RAB28: variants seen among roughly 807,000 people sequenced by gnomAD.
RAB28 encodes the protein RAB28, member RAS oncogene family, also known as ras-related protein Rab-28.
RAB28 carries 24 observed loss-of-function variants against 31.7 expected under a neutral mutation model. The ratio of observed to expected loss-of-function variants is 0.76; its 90% CI spans 0.55 to 1.06. The LOEUF (loss-of-function observed/expected upper bound fraction) is 1.06. Ranked by LOEUF, RAB28 falls within the 50% of genes least tolerant of loss-of-function variation. RAB28 has a pLI of 0.00. For missense variants in RAB28, 254 were observed against 258.5 expected, an observed-to-expected ratio of 0.98 and a Z score of 0.12; for synonymous variants, 100 against 90.4, an observed-to-expected ratio of 1.11 and a Z score of -0.60.
intron 4 of RAB28, among the ~76,000 whole-genome samples, chr4:13,396,614 G>A (rs192217256): frequency 2.0e-5 from 3 of 151,982 alleles, no homozygotes; most frequent in Non-Finnish European, 2.9e-5. Flanking sequence ...TCCACAAACA[G>A]ATGAAGAAAA....
chr4:13,434,865 A>T lies in RAB28; in HGVS notation c.391+25834T>A, dbSNP rs554659508. 2.6e-5 allele frequency among the ~76,000 whole-genome samples: 4 copies of T among 151,992 alleles called. No homozygotes were observed. In the South Asian group the frequency reaches 6.2e-4, roughly 24 times the overall value. ...GAAACCCTGTCTCTACTAAAAGTAC[A>T]AAAATTAGCCAGGCATGGTGGCAGG... On this transcript the variant is annotated intron_variant, in intron 4 of 6. Transcript: ENST00000330852.
rs374216152 is a variant in RAB28 at position 13,389,105 on chromosome 4, C to T, written c.392-7511G>A. On this transcript the variant is annotated intron_variant, in intron 4 of 6. Transcript: ENST00000330852. ...ATAAACAAAATGCAGTGTATATATA[C>T]AATGGAATATTATTCAGCCTTAAAA... Among the ~76,000 whole-genome samples, 7 of 152,192 alleles carry T rather than the reference C, an allele frequency of 4.6e-5. No individual in the cohort carries two copies. The South Asian group carries it at 1.5e-3, about 32-fold the overall frequency.
At chr4:13,482,368 A>G (rs748559939) in intron 1 of RAB28, among the ~76,000 whole-genome samples, 3 of 151,870 alleles carry the variant, frequency 2.0e-5, no homozygotes, top group Non-Finnish European at 4.4e-5. Context: ...AATGAACAAC[A>G]GTTTAAAGAA....
At chr4:13,386,743 T>C (rs1334238971) in intron 4 of RAB28, among the ~76,000 whole-genome samples, 1 of 152,174 alleles carries the variant, frequency 6.6e-6, no homozygotes, top group South Asian at 2.1e-4. Flanking sequence ...ACCCCATTAC[T>C]GGGTATATAC....
chr4:13,447,573 G>T (rs1025504936), intron 4 of RAB28, among the ~76,000 whole-genome samples: 1 of 152,068 alleles, frequency 6.6e-6, no homozygotes, highest in East Asian at 1.9e-4. Context: ...ACATAAAGTG[G>T]AAAATACTTA....
At chr4:13,374,211 A>G (rs371067296) in intron 6 of RAB28, among the ~76,000 whole-genome samples, 6 of 152,302 alleles carry the variant, frequency 3.9e-5, no homozygotes, top group African/African-American at 1.4e-4. Context: ...ATGCATTAAG[A>G]GTAAATGCCA....
intron 4 of RAB28, among the ~76,000 whole-genome samples, chr4:13,419,406 G>C (rs989778074): frequency 6.6e-6 from 1 of 152,174 alleles, no homozygotes; most frequent in South Asian, 2.1e-4. Context: ...AGACCTAATA[G>C]ATATCTACAG....
intron 4 of RAB28, among the ~76,000 whole-genome samples, chr4:13,419,925 G>A (rs547556317): frequency 3.3e-5 from 5 of 149,992 alleles, no homozygotes; most frequent in East Asian, 2.0e-4. Flanking sequence ...AGGAAATAGA[G>A]ACACAAAAAA....
At chr4:13,439,400 G>T (rs940709422) in intron 4 of RAB28, among the ~76,000 whole-genome samples, 18 of 152,140 alleles carry the variant, frequency 1.2e-4, no homozygotes, top group Non-Finnish European at 2.5e-4. Flanking sequence ...TGTCACCCAG[G>T]CTGGAGTGCA....
At position 13,431,797 on chromosome 4, in the gene RAB28, G is replaced by A. The variant is rs542702311; in HGVS notation, c.391+28902C>T. ...AAAAAAAGAATTAAAAAAGTAAAAAGCCCCAAAACAACAGCAAATACAAAA... is the reference window on the plus strand; with the variant it reads ...AAAAAAAGAATTAAAAAAGTAAAAAACCCCAAAACAACAGCAAATACAAAA... On this transcript the variant is annotated intron_variant, in intron 4 of 6. Transcript: ENST00000330852. Among the ~76,000 whole-genome samples the A allele has an allele frequency of 1.3e-4, 20 of 151,098 alleles. No individual in the cohort carries two copies. In the East Asian group the frequency reaches 2.6e-3, roughly 20 times the overall value.
At chr4:13,454,651 G>A (rs906580015) in intron 4 of RAB28, among the ~76,000 whole-genome samples, 1 of 152,182 alleles carries the variant, frequency 6.6e-6, no homozygotes, top group African/African-American at 2.4e-5. Context: ...AGAGTATGTG[G>A]CAGCGATGGT....
intron 4 of RAB28, among the ~76,000 whole-genome samples, chr4:13,391,715 G>C (rs1460844030): frequency 2.0e-5 from 3 of 152,102 alleles, no homozygotes; most frequent in Admixed American, 6.5e-5. Context: ...ACATGGAACA[G>C]TATGCAGCCA....
In RAB28 at chr4:13,454,393, T is replaced by G. The variant is rs942226472; in HGVS notation, c.391+6306A>C. ...ATTATATTCCTTTAAAGGTGTCGTT[T>G]CCTTGCTTTTTCATGTTTGATGTGT... On this transcript the variant is annotated intron_variant, in intron 4 of 6. Transcript: ENST00000330852. 3.3e-5 allele frequency among the ~76,000 whole-genome samples: 5 copies of G among 152,320 alleles called. No individual in the cohort carries two copies. In the South Asian group the frequency reaches 1.0e-3, roughly 32 times the overall value.
intron 4 of RAB28, among the ~76,000 whole-genome samples, chr4:13,408,228 T>C (rs901489307): frequency 6.6e-6 from 1 of 152,238 alleles, no homozygotes; most frequent in African/African-American, 2.4e-5. Flanking sequence ...CTAAGGGTTG[T>C]TGAATTTTGT....
intron 5 of RAB28, among the ~76,000 whole-genome samples, chr4:13,377,102 G>A (rs901996384): frequency 1.3e-5 from 2 of 152,050 alleles, no homozygotes; most frequent in Non-Finnish European, 2.9e-5. Flanking sequence ...TATCATTCCA[G>A]CAAATTCTCC....
chr4:13,423,483 C>CG (rs887543328), intron 4 of RAB28, among the ~76,000 whole-genome samples: 2 of 148,730 alleles, frequency 1.3e-5, no homozygotes, highest in South Asian at 2.1e-4. Flanking sequence ...AACTCCGTCT[C>CG]GGGGGGGAAA....
At chr4:13,371,166 C>G in intron 6 of RAB28, 5 of 985,322 alleles carry the variant, frequency 5.1e-6, no homozygotes, top group Non-Finnish European at 6.0e-6. Flanking sequence ...ACATATTAGC[C>G]TTGGGTGGCT....
intron 3 of RAB28, among the ~76,000 whole-genome samples, chr4:13,472,842 T>TAAATAAAA (rs1219644180): frequency 6.6e-6 from 1 of 151,478 alleles, no homozygotes; most frequent in Non-Finnish European, 1.5e-5. Context: ...AATAAATAAA[T>TAAATAAAA]AAATAAAACA....
chr4:13,380,184 G>C (rs908114870), intron 5 of RAB28, among the ~76,000 whole-genome samples: 1 of 152,012 alleles, frequency 6.6e-6, no homozygotes, highest in Admixed American at 6.6e-5. Flanking sequence ...ATTGTCTGAG[G>C]GGAAAGGATT....
Sources: gnomAD v4.1 joint callset for allele counts (sites outside exome capture counted in the v4.1 genomes callset) on GRCh38, gnomAD v4.1.1 for gene constraint, MANE v1.5 for transcripts, NCBI Gene and HGNC (gene_info 2026-07-23, HGNC 2026-07-21) for gene names.